The following LAMB2 variants were observed in gnomAD, a reference collection of about 807,000 sequenced individuals.
LAMB2 encodes the protein laminin subunit beta 2, also known as laminin subunit beta-2.
A neutral mutation model predicts 202.7 loss-of-function variants in LAMB2; 119 were observed. The observed-to-expected ratio is 0.59, with a 90% CI of 0.51 to 0.68. The LOEUF (loss-of-function observed/expected upper bound fraction) is 0.68. LAMB2 is among the 30% of genes least tolerant of loss of function. LAMB2 has a pLI of 0.00. For missense variants in LAMB2, 2,124 were observed against 2,410.6 expected, an observed-to-expected ratio of 0.88 and a Z score of 2.49; for synonymous variants, 818 against 902.2, an observed-to-expected ratio of 0.91 and a Z score of 1.67.
chr3:49,122,320 C>G lies in LAMB2; in HGVS notation c.4624G>C (p.Glu1542Gln), dbSNP rs765772232. ...TCAGCTGAAGCTGGGATGGAGAGCT[C>G]TAGCACCCGTGTGGCCACCATTTCA... is the stretch of plus-strand genomic sequence containing the variant. ...SIEMVATRVL[E>Q]LSIPASAEQI... The change falls in exon 28 of 32, where the codon GAG becomes CAG. Residue 1542 changes from glutamate (E) to glutamine (Q), a missense_variant. Physicochemically the swap from Glu to Gln is conservative, Grantham distance 29. This residue lies in a region of LAMB2 where 1,702 missense variants were observed against 1,896.3 expected (regional missense o/e 0.90). Transcript: ENST00000305544. 6.2e-7 allele frequency: 1 copy of G among 1,613,512 alleles called. No homozygotes were observed. The highest frequency in any genetic ancestry group is 8.5e-7 in the Non-Finnish European group (1 of 1,180,034).
chr3:49,121,941 C>CACCTGGTA lies in LAMB2; in HGVS notation c.4918_4923+2dup. 1 of 1,614,022 alleles carries CACCTGGTA rather than the reference C, an allele frequency of 6.2e-7. No individual in the cohort carries two copies. The highest frequency in any genetic ancestry group is 8.5e-7 in the Non-Finnish European group (1 of 1,180,040). ...TCCCACTGATGTCCTAGGAAGACCT[C>CACCTGGTA]ACCTGGTACAGGGTCTGCTCTGTGT... is the stretch of plus-strand genomic sequence containing the variant. On this transcript the variant is annotated splice_region_variant and intron_variant, in intron 29 of 31. Transcript: ENST00000305544.
In LAMB2 at chr3:49,132,374, C is replaced by T. The variant is rs767544919; in HGVS notation, c.281G>A (p.Arg94Gln). The T allele has an allele frequency of 7.4e-6, 12 of 1,614,212 alleles. No individual in the cohort carries two copies. The highest frequency in any genetic ancestry group is 3.3e-5 in the Admixed American group (2 of 60,028). The change falls in exon 3 of 32, where the codon CGG becomes CAG. Residue 94 changes from arginine to glutamine, a missense_variant. Around this residue, in one of 3 missense-constraint regions of LAMB2, gnomAD observed 166 missense variants for 158.2 expected, o/e 1.05. Coordinates refer to ENST00000305544, the MANE Select transcript of LAMB2 (RefSeq NM_002292.4). This position sits in a 1 kb window ranked among gnomAD's most constrained non-coding sequence, Gnocchi z 4.6. ...DEKKCFLCDS[R>Q]RPFSARDNPH... ...GTTGTCTCTAGCAGAGAAGGGGCGC[C>T]GGGAGTCACAAAGGAAGCACTTCTT...
rs2045392936 is a variant in LAMB2, at chr3:49,124,810, A to G, written c.3000T>C (p.Cys1000=). 2 of 1,614,098 alleles carry G rather than the reference A, an allele frequency of 1.2e-6. No individual in the cohort carries two copies. Among genetic ancestry groups the G allele is most frequent in the East Asian group, 2.2e-5 (1 of 44,896 alleles). ...GCAGGCATTGCCCCGTGTGGGGGTC[A>G]CAGGCATCAGGATCCATTGGGTCAA... ...GNIDPMDPDA[C]DPHTGQCLRC... The change falls in exon 21 of 32, where the codon TGT becomes TGC. Residue 1000 remains cysteine, a synonymous_variant. Transcript: ENST00000305544.
chr3:49,128,612 T>G (rs374173116), intron 14 of LAMB2, 27 bp from the exon 15 acceptor site: 2 of 1,614,076 alleles, frequency 1.2e-6, no homozygotes, highest in African/African-American at 2.7e-5. Context: ...ATGGAGGAGA[T>G]GCTCCCACAC....
chr3:49,132,306 G>C lies in LAMB2; in HGVS notation c.349C>G (p.Pro117Ala). ...TGCCACCAGGCTGCCCGCCGCTGTG[G>C]TGCAAAGCTGGTGACTACATTCTGG... Reference protein sequence around the residue: ...RIQNVVTSFAPQRRAAWWQSE... With the variant: ...RIQNVVTSFAAQRRAAWWQSE... The change falls in exon 3 of 32, where the codon CCA (proline) becomes GCA (alanine). Residue 117 changes from proline (P) to alanine (A), a missense_variant. Transcript: ENST00000305544. The surrounding 1 kb of genome is among the most constrained non-coding windows in gnomAD (Gnocchi z 4.6). The C allele has an allele frequency of 6.2e-7, 1 of 1,614,282 alleles. No individual in the cohort carries two copies. The highest frequency in any genetic ancestry group is 1.1e-5 in the South Asian group (1 of 91,088).
At chr3:49,121,663 G>C in intron 30 of LAMB2, 21 bp downstream of exon 30, 1 of 1,614,010 alleles carries the variant, frequency 6.2e-7, no homozygotes, top group African/African-American at 1.3e-5. Context: ...ACCTTCTCCA[G>C]CTGGCTCTGC....
chr3:49,122,061 C>T lies in LAMB2; in HGVS notation c.4806G>A (p.Gln1602=), dbSNP rs1326394233. Residue 1602 remains glutamine (Q), a synonymous_variant, in exon 29 of 32, where the codon CAG becomes CAA. Transcript: ENST00000305544. ...GTGCTGCCTGTACTGTCTCTGCCTT[C>T]TGTTTCTCATCCTCAGCCCAGCTCC... ...RARSWAEDEK[Q]KAETVQAALE... 1.9e-6 allele frequency: 3 copies of T among 1,613,476 alleles called. No individual in the cohort carries two copies. The highest frequency in any genetic ancestry group is 2.5e-6 in the Non-Finnish European group (3 of 1,180,038).
chr3:49,130,062 T>C lies in LAMB2; in HGVS notation c.1226-44A>G, dbSNP rs2045465021. On this transcript the variant is annotated intron_variant, in intron 9 of 31. Coordinates refer to ENST00000305544, the MANE Select transcript of LAMB2 (RefSeq NM_002292.4). The surrounding 1 kb of genome is among the most constrained non-coding windows in gnomAD (Gnocchi z 5.0). ...ACAGGGTCACTCACCCTATCTCAAC[T>C]AGCTCACTGCCAGTCCTCTCCTAAG... The C allele has an allele frequency of 6.2e-7, 1 of 1,603,386 alleles. No individual in the cohort carries two copies.
chr3:49,127,412 T>G (rs1427454148), intron 15 of LAMB2, among the ~76,000 whole-genome samples: 1 of 152,196 alleles, frequency 6.6e-6, no homozygotes, highest in Non-Finnish European at 1.5e-5. Flanking sequence ...CTAAAAGCAA[T>G]AGGTCAAGTG....
In LAMB2 at chr3:49,130,433, A is replaced by C; in HGVS notation, c.1037-14T>G. 6.2e-7 allele frequency: 1 copy of C among 1,613,864 alleles called. No individual in the cohort carries two copies. The highest frequency in any genetic ancestry group is 1.6e-4 in the Middle Eastern group (1 of 6,062). On this transcript the variant is annotated splice_polypyrimidine_tract_variant and intron_variant, in intron 8 of 31. Coordinates refer to ENST00000305544, the MANE Select transcript of LAMB2 (RefSeq NM_002292.4). The surrounding 1 kb of genome is among the most constrained non-coding windows in gnomAD (Gnocchi z 5.0). ...GGCACTCACACTCTGGCAGGGGAGG[A>C]AGGGCAGGGCAAAGGCCACATGAGG...
Position 49,125,071 on chromosome 3 carries a change from G to A in LAMB2, c.2819C>T (p.Ala940Val), listed in dbSNP as rs749808119. The change falls in exon 20 of 32, where the codon GCT (alanine) becomes GTT (valine). Residue 940 changes from alanine to valine, a missense_variant. Ala to Val is a moderately conservative substitution (Grantham distance 64). Around this residue, in one of 3 missense-constraint regions of LAMB2, gnomAD observed 1,702 missense variants for 1,896.3 expected, o/e 0.90. Coordinates refer to ENST00000305544, the MANE Select transcript of LAMB2 (RefSeq NM_002292.4). ...PEGPGSQRHF[A>V]TSCHQDEYSQ... ...ATATTCATCCTGGTGGCAAGAAGTA[G>A]CAAAGTGCCGTTGGCTCCCAGGGCC... 5 of 1,613,960 alleles carry A rather than the reference G, an allele frequency of 3.1e-6. No homozygotes were observed. In the South Asian group the frequency reaches 4.4e-5, roughly 14 times the overall value.
Position 49,132,728 on chromosome 3 carries a change from A to C in LAMB2, c.76+64T>G. ...CCAGTGGCTCCACCTCATGTGCCCC[A>C]AGGGCAACTACCAGGACCTACCATC... is the stretch of plus-strand genomic sequence containing the variant. On this transcript the variant is annotated intron_variant, in intron 1 of 31. Coordinates refer to ENST00000305544, the MANE Select transcript of LAMB2 (RefSeq NM_002292.4). This position sits in a 1 kb window ranked among gnomAD's most constrained non-coding sequence, Gnocchi z 4.6. The C allele has an allele frequency of 1.2e-6, 2 of 1,612,760 alleles. No homozygotes were observed. Among genetic ancestry groups the C allele is most frequent in the Admixed American group, 3.3e-5 (2 of 59,998 alleles).
intron 27 of LAMB2, 37 bp downstream of exon 27, chr3:49,122,667 G>A (rs2045347994): frequency 3.2e-6 from 5 of 1,561,880 alleles, no homozygotes; most frequent in Non-Finnish European, 4.4e-6. Context: ...TTGCCAAAGG[G>A]GACAACCACA....
In LAMB2 at chr3:49,124,757, T is replaced by C; in HGVS notation, c.3053A>G (p.His1018Arg). The change falls in exon 21 of 32, where the codon CAC becomes CGC. Residue 1018 changes from histidine to arginine, a missense_variant. Around this residue, in one of 3 missense-constraint regions of LAMB2, gnomAD observed 1,702 missense variants for 1,896.3 expected, o/e 0.90. Coordinates refer to ENST00000305544, the MANE Select transcript of LAMB2 (RefSeq NM_002292.4). ...LRCLHHTEGPHCAHCKPGFHG... is the reference protein window; with the variant it reads ...LRCLHHTEGPRCAHCKPGFHG... ...GAAGCCAGGCTTGCAGTGGGCACAGTGTGGACCCTCTGTGTGGTGTAAACA... is the reference window on the plus strand; with the variant it reads ...GAAGCCAGGCTTGCAGTGGGCACAGCGTGGACCCTCTGTGTGGTGTAAACA... 1.2e-6 allele frequency: 2 copies of C among 1,614,146 alleles called. No individual in the cohort carries two copies. The highest frequency in any genetic ancestry group is 1.1e-5 in the South Asian group (1 of 91,084).
In LAMB2 at chr3:49,124,511, C is replaced by T. The variant is rs1315892254; in HGVS notation, c.3211G>A (p.Val1071Ile). The T allele has an allele frequency of 6.2e-7, 1 of 1,613,684 alleles. No individual in the cohort carries two copies. The highest frequency in any genetic ancestry group is 1.3e-5 in the African/African-American group (1 of 74,940). ...CAGCGGTCACAGCTAGGGCCCTGGACATTGGGGAGGCATGGGCACTGCCCA... is the reference window on the plus strand; with the variant it reads ...CAGCGGTCACAGCTAGGGCCCTGGATATTGGGGAGGCATGGGCACTGCCCA... ...SSGQCPCLPNVQGPSCDRCAP... is the reference protein window; with the variant it reads ...SSGQCPCLPNIQGPSCDRCAP... Residue 1071 changes from valine to isoleucine, a missense_variant, in exon 22 of 32, where the codon GTC becomes ATC. Around this residue, in one of 3 missense-constraint regions of LAMB2, gnomAD observed 1,702 missense variants for 1,896.3 expected, o/e 0.90. Coordinates refer to ENST00000305544, the MANE Select transcript of LAMB2 (RefSeq NM_002292.4).
chr3:49,127,066 G>T (rs2045423662), intron 15 of LAMB2, among the ~76,000 whole-genome samples: 1 of 152,098 alleles, frequency 6.6e-6, no homozygotes, highest in Non-Finnish European at 1.5e-5. Flanking sequence ...GCTCACTGCA[G>T]CCTTGACCTC....
At position 49,121,480 on chromosome 3, in the gene LAMB2, G is replaced by A. The variant is rs139156815; in HGVS notation, c.5213C>T (p.Ala1738Val). 4.3e-5 allele frequency: 70 copies of A among 1,614,050 alleles called. No individual in the cohort carries two copies. The African/African-American group carries it at 5.5e-4, about 13-fold the overall frequency. ...CTGAGCGGCTTGCAACAGGTCCCGA[G>A]CCTCATCCCGCAGTTGTTCTGCCCT... ...QARAEQLRDE[A>V]RDLLQAAQDK... Residue 1738 changes from alanine (A) to valine (V), a missense_variant, in exon 31 of 32, where the codon GCT (alanine) becomes GTT (valine). By Grantham distance (64) the Ala-to-Val change is moderately conservative. Transcript: ENST00000305544.
In LAMB2 at chr3:49,130,280, G is replaced by A; in HGVS notation, c.1176C>T (p.Phe392=). The A allele has an allele frequency of 6.2e-7, 1 of 1,614,242 alleles. No homozygotes were observed. The highest frequency in any genetic ancestry group is 8.5e-7 in the Non-Finnish European group (1 of 1,180,052). The stretch of plus-strand genomic sequence containing the variant: ...GGTCCTTGGTTGGGTCACGGTAGAA[G>A]AAGGGCCGACAGAGCTCACAGTGGC... ...AGRHCELCRP[F]FYRDPTKDLR... Residue 392 remains phenylalanine (F), a synonymous_variant, in exon 9 of 32, where the codon TTC becomes TTT. Coordinates refer to ENST00000305544, the MANE Select transcript of LAMB2 (RefSeq NM_002292.4). The surrounding 1 kb of genome is among the most constrained non-coding windows in gnomAD (Gnocchi z 5.0).
In LAMB2 at chr3:49,131,327, T is replaced by C. The variant is rs1172817262; in HGVS notation, c.712+52A>G. 7 of 1,591,054 alleles carry C rather than the reference T, an allele frequency of 4.4e-6. No individual in the cohort carries two copies. The highest frequency in any genetic ancestry group is 6.0e-6 in the Non-Finnish European group (7 of 1,160,342). On this transcript the variant is annotated intron_variant, in intron 6 of 31. Coordinates refer to ENST00000305544, the MANE Select transcript of LAMB2 (RefSeq NM_002292.4). The surrounding 1 kb of genome is among the most constrained non-coding windows in gnomAD (Gnocchi z 5.0). ...CCAAAATAGTTACTGAGGCCCCAAATAGTCCCTAGCCGGACACGGACTGTG... is the reference window on the plus strand; with the variant it reads ...CCAAAATAGTTACTGAGGCCCCAAACAGTCCCTAGCCGGACACGGACTGTG...
Sources: allele counts gnomAD v4.1 joint callset (sites outside exome capture counted in the v4.1 genomes callset), GRCh38; gene constraint gnomAD v4.1.1; regional missense constraint gnomAD v4.1.1; non-coding constraint Gnocchi (gnomAD v3.1); transcripts MANE v1.5; gene names NCBI Gene and HGNC (gene_info 2026-07-23, HGNC 2026-07-21).